ADARB2: variants seen among roughly 807,000 people sequenced by gnomAD.
ADARB2 encodes the protein inactive double-stranded RNA-specific editase B2.
ADARB2 carries 25 observed loss-of-function variants against 62.2 expected under a neutral mutation model. The observed-to-expected ratio is 0.40, with a 90% confidence interval of 0.29 to 0.56. The LOEUF (loss-of-function observed/expected upper bound fraction) is 0.56. ADARB2 is among the 20% of genes least tolerant of loss of function. The probability of loss-of-function intolerance (pLI) is 0.43; values close to 1 mark genes in which losing one functional copy is unlikely to be tolerated. For synonymous variants in ADARB2, 572 were observed against 500.8 expected, an observed-to-expected ratio of 1.14 and a Z score of -1.90; for missense variants, 1,071 against 1,077.4, an observed-to-expected ratio of 0.99 and a Z score of 0.08.
intron 7 of ADARB2, among the ~76,000 whole-genome samples, chr10:1,211,084 C>T (rs1837144177): frequency 6.6e-6 from 1 of 152,108 alleles, no homozygotes; most frequent in South Asian, 2.1e-4. Flanking sequence ...AGCCTCCCAT[C>T]GCTCCCTCCC....
intron 1 of ADARB2, among the ~76,000 whole-genome samples, chr10:1,609,369 G>A (rs1406951733): frequency 6.6e-6 from 1 of 152,202 alleles, no homozygotes; most frequent in Non-Finnish European, 1.5e-5. Context: ...ACTCTTTGCT[G>A]CCCTGGTGCC....
intron 1 of ADARB2, among the ~76,000 whole-genome samples, chr10:1,680,588 A>G (rs985369767): frequency 1.3e-5 from 2 of 152,186 alleles, no homozygotes; most frequent in Non-Finnish European, 2.9e-5. Flanking sequence ...TTCTCCACCA[A>G]AGAGTCCCAA....
At position 1,312,641 on chromosome 10, in the gene ADARB2, G is replaced by A. The variant is rs538901387; in HGVS notation, c.1078-41572C>T. On this transcript the variant is annotated intron_variant, in intron 3 of 9. Coordinates refer to ENST00000381312, the MANE Select transcript of ADARB2 (RefSeq NM_018702.4). The stretch of plus-strand genomic sequence containing the variant: ...GTCACAGTAACCCTTTGAGGTAGGC[G>A]CTGCCACGTTTCCCATTTAGAGGGG... Among the ~76,000 whole-genome samples the A allele has an allele frequency of 3.3e-5, 5 of 152,338 alleles. No individual in the cohort carries two copies. The South Asian group carries it at 1.0e-3, about 32-fold the overall frequency.
chr10:1,724,585 C>G (rs1217000881), intron 1 of ADARB2, among the ~76,000 whole-genome samples: 1 of 152,226 alleles, frequency 6.6e-6, no homozygotes, highest in Non-Finnish European at 1.5e-5. Context: ...TGATGATGCT[C>G]CTCATTTCCA....
chr10:1,664,902 A>C (rs1044240131), intron 1 of ADARB2, among the ~76,000 whole-genome samples: 3 of 152,206 alleles, frequency 2.0e-5, no homozygotes, highest in Non-Finnish European at 4.4e-5. Context: ...ATTGCTTAGA[A>C]TGAGATGGCA....
At chr10:1,496,261 C>G (rs557229000) in intron 1 of ADARB2, among the ~76,000 whole-genome samples, 28 of 151,966 alleles carry the variant, frequency 1.8e-4, no homozygotes, top group African/African-American at 6.8e-4. Context: ...TTGTCATCAG[C>G]ACCATCATCA....
chr10:1,581,975 C>A (rs1833108414), intron 1 of ADARB2, among the ~76,000 whole-genome samples: 1 of 152,126 alleles, frequency 6.6e-6, no homozygotes, highest in Non-Finnish European at 1.5e-5. Flanking sequence ...GAGGCCACTT[C>A]CCTACTCACT....
intron 7 of ADARB2, among the ~76,000 whole-genome samples, chr10:1,206,656 C>G (rs1456723516): frequency 1.3e-5 from 2 of 152,158 alleles, no homozygotes; most frequent in South Asian, 4.1e-4. Flanking sequence ...AGATGGCGCC[C>G]ATGAGATGAC....
intron 1 of ADARB2, among the ~76,000 whole-genome samples, chr10:1,730,596 TC>T (rs1415660971): frequency 6.6e-5 from 10 of 152,082 alleles, no homozygotes; most frequent in Admixed American, 1.3e-4. Flanking sequence ...GAAATAAATT[TC>T]CTTAAAATCT....
chr10:1,254,323 C>T (rs1012087021), intron 4 of ADARB2, among the ~76,000 whole-genome samples: 1 of 152,212 alleles, frequency 6.6e-6, no homozygotes, highest in African/African-American at 2.4e-5. Context: ...GAACCGTCTA[C>T]CTTCTTCCCA....
At chr10:1,466,659 G>T (rs1267132458) in intron 1 of ADARB2, among the ~76,000 whole-genome samples, 3 of 152,158 alleles carry the variant, frequency 2.0e-5, no homozygotes, top group African/African-American at 4.8e-5. Flanking sequence ...GCGACCAAAG[G>T]CTCTGCCGTG....
chr10:1,590,008 G>T (rs1032044187), intron 1 of ADARB2, among the ~76,000 whole-genome samples: 1 of 152,184 alleles, frequency 6.6e-6, no homozygotes, highest in Non-Finnish European at 1.5e-5. Context: ...TGAGCTGTGG[G>T]CTGGCCTTGC....
chr10:1,648,511 G>A (rs1417630179), intron 1 of ADARB2, among the ~76,000 whole-genome samples: 3 of 152,140 alleles, frequency 2.0e-5, no homozygotes, highest in East Asian at 3.9e-4. Context: ...AGTAAATCAC[G>A]TTGTGCTTGG....
intron 1 of ADARB2, among the ~76,000 whole-genome samples, chr10:1,672,277 C>T (rs1211954659): frequency 2.6e-5 from 4 of 152,168 alleles, no homozygotes; most frequent in Admixed American, 2.6e-4. Flanking sequence ...CAGGGATGTG[C>T]TGTGGGTTCC....
At chr10:1,646,543 A>G (rs946403667) in intron 1 of ADARB2, among the ~76,000 whole-genome samples, 1 of 152,220 alleles carries the variant, frequency 6.6e-6, no homozygotes, top group Non-Finnish European at 1.5e-5. Context: ...CTGCACGGTG[A>G]ACTCACACTG....
At chr10:1,714,431 TAC>T (rs1342212212) in intron 1 of ADARB2, among the ~76,000 whole-genome samples, 3 of 152,254 alleles carry the variant, frequency 2.0e-5, no homozygotes, top group Non-Finnish European at 4.4e-5. Flanking sequence ...ATGAAGCCTT[TAC>T]TTCATTGGTC....
At chr10:1,494,890 T>G (rs1831668221) in intron 1 of ADARB2, among the ~76,000 whole-genome samples, 1 of 152,176 alleles carries the variant, frequency 6.6e-6, no homozygotes. Context: ...TCACCCATTC[T>G]CCAAACTACA....
rs117332199 is a variant in ADARB2, at chr10:1,221,037, C to T, written c.1514-3918G>A. Among the ~76,000 whole-genome samples, 1,412 of 152,264 alleles carry T rather than the reference C, an allele frequency of 9.3e-3. 11 individuals carry two copies. Among genetic ancestry groups the T allele is most frequent in the Non-Finnish European group, 0.014 (930 of 68,022 alleles). On this transcript the variant is annotated intron_variant, in intron 6 of 9. Coordinates refer to ENST00000381312, the MANE Select transcript of ADARB2 (RefSeq NM_018702.4). ...CCAGGGTGGCTTGAATGTCGGTGAT[C>T]CTGCAGAGCCCATTTCCTCTGGCTC...
At chr10:1,673,125 T>C (rs997475994) in intron 1 of ADARB2, among the ~76,000 whole-genome samples, 2 of 152,198 alleles carry the variant, frequency 1.3e-5, no homozygotes, top group African/African-American at 4.8e-5. Context: ...CCAGTAATAC[T>C]GACCTGAGAG....
Sources: gnomAD v4.1 joint callset for allele counts (sites outside exome capture counted in the v4.1 genomes callset) on GRCh38, gnomAD v4.1.1 for gene constraint, MANE v1.5 for transcripts, NCBI Gene and HGNC (gene_info 2026-07-23, HGNC 2026-07-21) for gene names.